MAPRE2: variants seen among roughly 807,000 people sequenced by gnomAD.
MAPRE2 encodes microtubule-associated protein RP/EB family member 2.
Under a neutral mutation model 43.2 loss-of-function variants are expected in MAPRE2, and 13 were observed. That is an observed-to-expected ratio of 0.30 (90% CI 0.20 to 0.48). MAPRE2 has a LOEUF of 0.48. Among genes scored for constraint, MAPRE2 ranks in the 20% least tolerant of loss-of-function variants. The pLI is 0.99. For missense variants in MAPRE2, 161 were observed against 400.2 expected (o/e 0.40, Z 5.10); for synonymous variants, 135 against 148.8 (o/e 0.91, Z 0.68).
chr18:35,061,139 A>T (rs1906503671), intron 1 of MAPRE2, among the ~76,000 whole-genome samples: 1 of 152,196 alleles, frequency 6.6e-6, no homozygotes, highest in African/African-American at 2.4e-5. Flanking sequence ...CATTAAAAGC[A>T]TTATCATTAA....
chr18:35,047,004 A>G (rs1048943521), intron 1 of MAPRE2, among the ~76,000 whole-genome samples: 1 of 152,192 alleles, frequency 6.6e-6, no homozygotes, highest in African/African-American at 2.4e-5. Context: ...TTCCCTTGGC[A>G]TTTAATGATG....
At chr18:35,039,627 C>G (rs1660519555), upstream of MAPRE2, among the ~76,000 whole-genome samples, 1 of 152,168 alleles carries the variant, frequency 6.6e-6, no homozygotes, top group African/African-American at 2.4e-5. Context: ...ATTATCCTTA[C>G]CATCTGGGTT....
At chr18:35,073,721 C>A (rs527609792) in intron 2 of MAPRE2, among the ~76,000 whole-genome samples, 1 of 152,222 alleles carries the variant, frequency 6.6e-6, no homozygotes, top group South Asian at 2.1e-4. Flanking sequence ...AAACTAACAC[C>A]AGCTTTTCTT....
chr18:35,044,770 C>T (rs573362879), intron 1 of MAPRE2, among the ~76,000 whole-genome samples: 4 of 152,250 alleles, frequency 2.6e-5, no homozygotes, highest in African/African-American at 9.6e-5. Context: ...GATAGGGTGG[C>T]TCTCCTGAGC....
intron 6 of MAPRE2, among the ~76,000 whole-genome samples, chr18:35,138,119 T>C (rs1325782441): frequency 6.6e-6 from 1 of 152,168 alleles, no homozygotes. Context: ...CAGCCTCACA[T>C]GTGCCAGACA....
At chr18:34,999,350 G>T (rs548309617) in intron 1 of MAPRE2, among the ~76,000 whole-genome samples, 1 of 152,056 alleles carries the variant, frequency 6.6e-6, no homozygotes, top group African/African-American at 2.4e-5. Context: ...TTTTTTGAAA[G>T]AATTTTACTT....
intron 2 of MAPRE2, among the ~76,000 whole-genome samples, chr18:35,013,967 A>G (rs1450472966): frequency 6.6e-6 from 1 of 152,132 alleles, no homozygotes; most frequent in African/African-American, 2.4e-5. Context: ...CAATGCCACA[A>G]TAAACATGGG....
chr18:35,110,281 GAAAA>G (rs1319046044), intron 4 of MAPRE2, among the ~76,000 whole-genome samples: 1 of 152,078 alleles, frequency 6.6e-6, no homozygotes, highest in Non-Finnish European at 1.5e-5. Context: ...GCTGAATTTA[GAAAA>G]CTTAGTATGA....
chr18:35,059,786 C>G (rs1414844752), intron 1 of MAPRE2, among the ~76,000 whole-genome samples: 1 of 152,162 alleles, frequency 6.6e-6, no homozygotes, highest in East Asian at 1.9e-4. Flanking sequence ...ACAAGCTGCT[C>G]TTCCGTGGCA....
At chr18:35,029,029 A>T (rs952694303) in intron 2 of MAPRE2, among the ~76,000 whole-genome samples, 12 of 152,214 alleles carry the variant, frequency 7.9e-5, no homozygotes, top group African/African-American at 2.9e-4. Flanking sequence ...GTGCTACACT[A>T]TGCAGTTGGA....
intron 2 of MAPRE2, among the ~76,000 whole-genome samples, chr18:35,036,213 G>A (rs555720001): frequency 1.3e-5 from 2 of 151,922 alleles, no homozygotes; most frequent in Admixed American, 6.6e-5. Flanking sequence ...AACTCCCACC[G>A]ACGATTGCAT....
intron 2 of MAPRE2, among the ~76,000 whole-genome samples, chr18:35,083,885 G>A (rs1259241849): frequency 6.6e-6 from 1 of 151,972 alleles, no homozygotes; most frequent in Non-Finnish European, 1.5e-5. Context: ...TTGTTATATA[G>A]GTTTTTACTC....
At chr18:35,020,275 A>G (rs2097041070) in intron 2 of MAPRE2, among the ~76,000 whole-genome samples, 1 of 152,110 alleles carries the variant, frequency 6.6e-6, no homozygotes, top group South Asian at 2.1e-4. Context: ...GGCCATGAGG[A>G]TATTTTATTC....
intron 1 of MAPRE2, among the ~76,000 whole-genome samples, chr18:35,045,852 T>C (rs975119053): frequency 2.6e-5 from 4 of 152,212 alleles, no homozygotes; most frequent in Non-Finnish European, 5.9e-5. Flanking sequence ...CTATTTTTCT[T>C]AGTGTTTGTA....
At chr18:35,135,693 C>G (rs1569018044) in intron 6 of MAPRE2, among the ~76,000 whole-genome samples, 1 of 152,266 alleles carries the variant, frequency 6.6e-6, no homozygotes. Context: ...GTGCTTTCCC[C>G]TGACATTGTG....
intron 1 of MAPRE2, among the ~76,000 whole-genome samples, chr18:34,981,877 A>ATTTTTTTTT (rs138891362): frequency 2.8e-5 from 1 of 35,892 alleles, no homozygotes; most frequent in African/African-American, 6.6e-5. Flanking sequence ...TTTTTTTTTT[A>ATTTTTTTTT]TTTTTATTTA....
intron 1 of MAPRE2, among the ~76,000 whole-genome samples, chr18:34,978,809 C>T (rs1418013470): frequency 6.6e-6 from 1 of 152,166 alleles, no homozygotes; most frequent in African/African-American, 2.4e-5. Flanking sequence ...TATGCTTCTT[C>T]AAAGCACTGG....
chr18:35,061,800 C>T (rs1906544402), intron 1 of MAPRE2, among the ~76,000 whole-genome samples: 1 of 152,170 alleles, frequency 6.6e-6, no homozygotes, highest in African/African-American at 2.4e-5. Flanking sequence ...TTGACTCCCT[C>T]TTTGCTCCAT....
chr18:35,126,817 A>G (rs1421154464), intron 4 of MAPRE2, 131 bp from the exon 5 acceptor site: 12 of 747,974 alleles, frequency 1.6e-5, no homozygotes, highest in South Asian at 1.3e-4. Flanking sequence ...TACTCCTTCT[A>G]TATGGGAAGG....
Sources: allele counts gnomAD v4.1 joint callset (sites outside exome capture counted in the v4.1 genomes callset), GRCh38; gene constraint gnomAD v4.1.1; transcripts MANE v1.5; gene names NCBI Gene and HGNC (gene_info 2026-07-23, HGNC 2026-07-21).